POGZ: variants seen among roughly 807,000 people sequenced by gnomAD.
POGZ encodes pogo transposable element derived with ZNF domain, also known as pogo transposable element with ZNF domain.
POGZ carries 17 observed loss-of-function variants against 134.6 expected under a neutral mutation model. The ratio of observed to expected loss-of-function variants is 0.13; its 90% CI spans 0.09 to 0.19. The LOEUF is 0.19. Ranked by LOEUF, POGZ falls within the 10% of genes least tolerant of loss-of-function variation. POGZ has a pLI of 1.00. For missense variants in POGZ, 1,306 were observed against 1,769.7 expected, an observed-to-expected ratio of 0.74 and a Z score of 4.70; for synonymous variants, 693 against 657.1, an observed-to-expected ratio of 1.05 and a Z score of -0.84.
Position 151,406,374 on chromosome 1 carries a change from C to A in POGZ, c.2661G>T (p.Val887=). ...CAGCTGGGGTGGCCCCCGCAGATTT[C>A]ACAGTGGCAGCTTTGTTAGTGGGGA... ...PSFPTNKAAT[V]KSAGATPAEP... The change falls in exon 19 of 19, where the codon GTG becomes GTT. Residue 887 remains valine, a synonymous_variant. Coordinates refer to ENST00000271715, the MANE Select transcript of POGZ (RefSeq NM_015100.4). 1 of 1,586,466 alleles carries A rather than the reference C, an allele frequency of 6.3e-7. No individual in the cohort carries two copies. Among genetic ancestry groups the A allele is most frequent in the Non-Finnish European group, 8.6e-7 (1 of 1,167,596 alleles).
intron 3 of POGZ, 22 bp downstream of exon 3, chr1:151,440,906 A>T (rs1660425153): frequency 1.9e-6 from 3 of 1,600,794 alleles, no homozygotes; most frequent in Non-Finnish European, 2.6e-6. Context: ...CAGGATTATT[A>T]TTTCCCAATA....
At chr1:151,435,498 CTTT>C (rs60354484) in intron 3 of POGZ, among the ~76,000 whole-genome samples, 1 of 146,862 alleles carries the variant, frequency 6.8e-6, no homozygotes, top group African/African-American at 2.5e-5. Context: ...TGATACTTTC[CTTT>C]TTTTTTTTTG....
At chr1:151,453,170 T>A (rs1416879644) in intron 1 of POGZ, among the ~76,000 whole-genome samples, 2 of 151,990 alleles carry the variant, frequency 1.3e-5, no homozygotes, top group Non-Finnish European at 2.9e-5. Flanking sequence ...TCCGCCCATC[T>A]TGGCCTCCCA....
chr1:151,424,323 G>A, intron 8 of POGZ, 37 bp from the exon 9 acceptor site: 1 of 1,338,430 alleles, frequency 7.5e-7, no homozygotes, highest in South Asian at 1.4e-5. Flanking sequence ...TGGTTATCCT[G>A]GGGGCTAGAA....
rs113396244 is a variant in POGZ, at chr1:151,430,858, G to GAAA, written c.284-20_284-18dup. The GAAA allele has an allele frequency of 4.8e-6, 6 of 1,244,016 alleles. No homozygotes were observed. The highest frequency in any genetic ancestry group is 6.9e-5 in the East Asian group (2 of 28,816). 77.1% of individuals were successfully genotyped at this position (1,244,016 alleles called of 1,614,324 possible). On this transcript the variant is annotated splice_polypyrimidine_tract_variant and intron_variant, in intron 3 of 18. Transcript: ENST00000271715. Reference sequence around the variant, plus strand: ...GATTGCCAGCTAAAGGGTAAAGGAAGAAAAAAAAAAAGGAATGTTAGAAAC... The same window carrying GAAA: ...GATTGCCAGCTAAAGGGTAAAGGAAGAAAAAAAAAAAAAAGGAATGTTAGAAAC...
chr1:151,435,092 G>C (rs1646876283), intron 3 of POGZ, among the ~76,000 whole-genome samples: 1 of 151,970 alleles, frequency 6.6e-6, no homozygotes, highest in Non-Finnish European at 1.5e-5. Context: ...ACAGAGACAG[G>C]GTTTCACTAT....
Position 151,440,844 on chromosome 1 carries a change from A to G in POGZ, c.283+84T>C, listed in dbSNP as rs1397016525. ...AGTAGAACCACATCTGTACCTAACT[A>G]AACAGGTAGGGCTGTCCCTGAGACC... is the stretch of plus-strand genomic sequence containing the variant. On this transcript the variant is annotated intron_variant, in intron 3 of 18. Transcript: ENST00000271715. 4.4e-6 allele frequency: 5 copies of G among 1,129,724 alleles called. No individual in the cohort carries two copies. In the African/African-American group the frequency reaches 4.6e-5, roughly 10 times the overall value. 70.0% of individuals were successfully genotyped at this position (1,129,724 alleles called of 1,614,324 possible). A position where few individuals can be genotyped will look rare whatever the true frequency, so the allele number is the denominator to read the frequency against.
chr1:151,421,201 G>A (rs1262558152), intron 10 of POGZ, among the ~76,000 whole-genome samples: 2 of 151,930 alleles, frequency 1.3e-5, no homozygotes, highest in East Asian at 1.9e-4. Flanking sequence ...ATAAGGGAGC[G>A]CTACTGTATT....
intron 10 of POGZ, among the ~76,000 whole-genome samples, chr1:151,418,768 G>A (rs1317356246): frequency 2.0e-5 from 3 of 151,790 alleles, no homozygotes; most frequent in Admixed American, 6.6e-5. Flanking sequence ...GCTCATGCCT[G>A]TAATCCTAGC....
intron 1 of POGZ, among the ~76,000 whole-genome samples, chr1:151,445,630 T>TG (rs1661164196): frequency 6.6e-6 from 1 of 151,558 alleles, no homozygotes; most frequent in Admixed American, 6.6e-5. Context: ...ACATAGAAGA[T>TG]GGAGTTAGCT....
At chr1:151,415,164 C>T (rs1415277510) in intron 10 of POGZ, among the ~76,000 whole-genome samples, 1 of 152,174 alleles carries the variant, frequency 6.6e-6, no homozygotes, top group Admixed American at 6.5e-5. Context: ...TCCCTGTCTT[C>T]AATCTTCCCC....
At chr1:151,449,168 C>T (rs1268803959) in intron 1 of POGZ, among the ~76,000 whole-genome samples, 1 of 152,182 alleles carries the variant, frequency 6.6e-6, no homozygotes, top group Non-Finnish European at 1.5e-5. Flanking sequence ...TATCAGGCAC[C>T]GCCCAAGCTA....
At chr1:151,452,633 A>G (rs796094443) in intron 1 of POGZ, among the ~76,000 whole-genome samples, 31 of 152,184 alleles carry the variant, frequency 2.0e-4, no homozygotes, top group African/African-American at 7.5e-4. Context: ...TGGGAGGCCA[A>G]TGCAGGCGGA....
chr1:151,441,682 G>A (rs1410395956), intron 2 of POGZ, among the ~76,000 whole-genome samples: 2 of 152,080 alleles, frequency 1.3e-5, no homozygotes, highest in Admixed American at 1.3e-4. Flanking sequence ...CACTCACAAA[G>A]GAAACCAAGT....
At chr1:151,411,544 C>T (rs1654666943) in intron 12 of POGZ, 81 bp downstream of exon 12, 3 of 963,628 alleles carry the variant, frequency 3.1e-6, no homozygotes, top group East Asian at 2.5e-5. Flanking sequence ...AAATTATTTG[C>T]CTAGCTCAGC....
At chr1:151,406,557 G>A (rs1336664787) in intron 18 of POGZ, 50 bp downstream of exon 18, 27 of 1,586,434 alleles carry the variant, frequency 1.7e-5, no homozygotes, top group Non-Finnish European at 2.0e-5. Flanking sequence ...TAATAACAGA[G>A]TAAACACACT....
intron 10 of POGZ, among the ~76,000 whole-genome samples, chr1:151,418,672 A>C (rs1656230885): frequency 6.6e-6 from 1 of 152,196 alleles, no homozygotes; most frequent in African/African-American, 2.4e-5. Context: ...TGTATATTAG[A>C]TTATCACATG....
chr1:151,403,404 A>C lies in POGZ; in HGVS notation c.*1398T>G. The C allele has an allele frequency of 1.0e-6, 1 of 985,562 alleles. No homozygotes were observed. The highest frequency in any genetic ancestry group is 1.2e-6 in the Non-Finnish European group (1 of 829,642). The allele number at this position is 985,562 out of a possible 1,614,324, so 61.1% of individuals were successfully genotyped here. A position where few individuals can be genotyped will look rare whatever the true frequency, so the allele number is the denominator to read the frequency against. On this transcript the variant is annotated 3_prime_UTR_variant, in exon 19 of 19. Transcript: ENST00000271715. ...AATGTTCCACTTATGTACATTTTAA[A>C]GACGAACCATTTACAAGCTTGTGCA...
intron 10 of POGZ, among the ~76,000 whole-genome samples, chr1:151,415,327 TCAGGAAGTGGAGGTAACAATGC>T (rs1446973006): frequency 6.6e-6 from 1 of 152,122 alleles, no homozygotes; most frequent in Non-Finnish European, 1.5e-5. Context: ...AATGAGATGC[TCAGGAAGTGGAGGTAACAATGC>T]CAGGAAGAAA....
Sources: allele counts gnomAD v4.1 joint callset (sites outside exome capture counted in the v4.1 genomes callset), GRCh38; gene constraint gnomAD v4.1.1; transcripts MANE v1.5; gene names NCBI Gene and HGNC (gene_info 2026-07-23, HGNC 2026-07-21).